Variants in NCALD observed in about 807,000 individuals in gnomAD.
NCALD encodes the protein neurocalcin-delta.
In NCALD, 10 loss-of-function variants were observed where a neutral mutation model predicts 18.6. The observed-to-expected ratio is 0.54, with a 90% CI of 0.33 to 0.91. The LOEUF is 0.91. NCALD is among the 40% of genes least tolerant of loss of function. The pLI is 0.03. For missense variants in NCALD, 184 were observed against 247.6 expected (o/e 0.74, Z 1.72); for synonymous variants, 88 against 87.4 (o/e 1.01, Z -0.04).
At chr8:102,009,931 G>T in intron 2 of NCALD, among the ~76,000 whole-genome samples, 1 of 152,238 alleles carries the variant, frequency 6.6e-6, no homozygotes. Flanking sequence ...CACTTCAGGG[G>T]CACAGGCAAC....
chr8:101,825,933 T>A (rs1813919513), intron 4 of NCALD, among the ~76,000 whole-genome samples: 1 of 152,228 alleles, frequency 6.6e-6, no homozygotes, highest in African/African-American at 2.4e-5. Flanking sequence ...CCACAGGCCA[T>A]AGTTTTCTCA....
intron 2 of NCALD, among the ~76,000 whole-genome samples, chr8:101,943,412 G>T (rs561395434): frequency 1.3e-5 from 2 of 152,216 alleles, no homozygotes; most frequent in African/African-American, 4.8e-5. Flanking sequence ...ATTATTCCCC[G>T]TTCCTCTTAT....
intron 2 of NCALD, chr8:101,693,349 T>A (rs1490231751): frequency 8.1e-6 from 1 of 123,506 alleles, no homozygotes; most frequent in African/African-American, 2.9e-5. Flanking sequence ...TTTTTTTTTT[T>A]TTCTGTACAG....
intron 3 of NCALD, among the ~76,000 whole-genome samples, chr8:101,903,019 C>G (rs914783339): frequency 1.4e-4 from 22 of 152,164 alleles, no homozygotes; most frequent in African/African-American, 5.3e-4. Flanking sequence ...CCTCTACTCT[C>G]CAGGACATAT....
intron 1 of NCALD, among the ~76,000 whole-genome samples, chr8:101,740,836 G>T (rs1810154247): frequency 6.6e-6 from 1 of 152,130 alleles, no homozygotes; most frequent in Non-Finnish European, 1.5e-5. Context: ...ATACCATGCT[G>T]CACACCCCCA....
chr8:102,059,480 G>A (rs1823765772), intron 1 of NCALD, among the ~76,000 whole-genome samples: 1 of 152,222 alleles, frequency 6.6e-6, no homozygotes, highest in Non-Finnish European at 1.5e-5. Flanking sequence ...ATGAAAGGAT[G>A]TTTATAACAC....
intron 1 of NCALD, among the ~76,000 whole-genome samples, chr8:101,763,844 T>C (rs754390537): frequency 2.0e-5 from 3 of 151,942 alleles, no homozygotes; most frequent in Non-Finnish European, 4.4e-5. Context: ...GCCTTTGGAA[T>C]GGAACTACAC....
At chr8:101,832,903 G>A (rs994246754) in intron 4 of NCALD, among the ~76,000 whole-genome samples, 4 of 152,186 alleles carry the variant, frequency 2.6e-5, no homozygotes, top group African/African-American at 9.6e-5. Context: ...TGTCCACCAG[G>A]CAAGTCTTTC....
At chr8:102,102,755 G>GC (rs1825328031) in intron 1 of NCALD, among the ~76,000 whole-genome samples, 2 of 152,100 alleles carry the variant, frequency 1.3e-5, no homozygotes, top group South Asian at 4.2e-4. Context: ...GCAGTTCGTT[G>GC]CATTTATGAA....
At chr8:101,911,968 G>A (rs1157266098) in intron 3 of NCALD, among the ~76,000 whole-genome samples, 1 of 151,894 alleles carries the variant, frequency 6.6e-6, no homozygotes, top group Non-Finnish European at 1.5e-5. Flanking sequence ...TAAATATAAG[G>A]GTTTCTAGAC....
chr8:102,108,943 G>A (rs1447910283), intron 1 of NCALD, among the ~76,000 whole-genome samples: 3 of 152,200 alleles, frequency 2.0e-5, no homozygotes, highest in South Asian at 2.1e-4. Context: ...ATAACCATGC[G>A]TGAATCATTG....
chr8:101,780,435 T>G (rs548400409), intron 1 of NCALD, among the ~76,000 whole-genome samples: 40 of 152,282 alleles, frequency 2.6e-4, no homozygotes, highest in Middle Eastern at 6.8e-3. Context: ...CCAATTAATT[T>G]AGGACTTTTA....
intron 4 of NCALD, among the ~76,000 whole-genome samples, chr8:101,863,590 G>A (rs1043656114): frequency 6.6e-5 from 10 of 152,260 alleles, no homozygotes; most frequent in African/African-American, 2.2e-4. Context: ...ATTTAGAGAT[G>A]CTTCTGTGGG....
At chr8:101,817,671 C>A (rs1043397957) in intron 4 of NCALD, among the ~76,000 whole-genome samples, 1 of 152,022 alleles carries the variant, frequency 6.6e-6, no homozygotes, top group Admixed American at 6.6e-5. Context: ...GAATAATAAC[C>A]CTAAAGAGAG....
chr8:101,944,870 T>C (rs566006589), intron 2 of NCALD, among the ~76,000 whole-genome samples: 17 of 152,296 alleles, frequency 1.1e-4, no homozygotes, highest in African/African-American at 3.6e-4. Context: ...CAGCAACCCA[T>C]CTGGTTCTTC....
chr8:101,926,967 A>G (rs1331372258), intron 2 of NCALD, among the ~76,000 whole-genome samples: 1 of 152,212 alleles, frequency 6.6e-6, no homozygotes, highest in East Asian at 1.9e-4. Context: ...AGAAGAGCTA[A>G]AACAGATGCC....
At chr8:101,720,986 G>A (rs1816327000) in intron 1 of NCALD, among the ~76,000 whole-genome samples, 1 of 152,150 alleles carries the variant, frequency 6.6e-6, no homozygotes, top group Non-Finnish European at 1.5e-5. Context: ...TGGATTTGGT[G>A]AAAGTACCTG....
chr8:102,105,141 T>C (rs979807300), intron 1 of NCALD, among the ~76,000 whole-genome samples: 6 of 152,140 alleles, frequency 3.9e-5, no homozygotes, highest in Non-Finnish European at 8.8e-5. Flanking sequence ...ATGAACCAAT[T>C]AATTTGATTT....
intron 1 of NCALD, among the ~76,000 whole-genome samples, chr8:102,080,719 G>A (rs1824499866): frequency 6.6e-6 from 1 of 152,178 alleles, no homozygotes; most frequent in African/African-American, 2.4e-5. Context: ...TGAGGGCTTG[G>A]GGCTCCCATA....
Sources: allele counts gnomAD v4.1 joint callset (sites outside exome capture counted in the v4.1 genomes callset), GRCh38; gene constraint gnomAD v4.1.1; transcripts MANE v1.5; gene names NCBI Gene and HGNC (gene_info 2026-07-23, HGNC 2026-07-21).